The following TPR variants were observed in gnomAD, a reference collection of about 807,000 sequenced individuals.
TPR encodes nucleoprotein TPR.
A neutral mutation model predicts 316.1 loss-of-function variants in TPR; 51 were observed. The observed-to-expected ratio is 0.16, with a 90% CI of 0.13 to 0.20. The LOEUF is 0.20. Ranked by LOEUF, TPR falls within the 10% of genes least tolerant of loss-of-function variation. The probability of loss-of-function intolerance (pLI) is 1.00; values close to 1 mark genes in which losing one functional copy is unlikely to be tolerated. For missense variants in TPR, 2,272 were observed against 2,754.8 expected (o/e 0.82, Z 3.92); for synonymous variants, 981 against 914.7 (o/e 1.07, Z -1.31).
At chr1:186,367,561 C>T (rs1256433076) in intron 4 of TPR, among the ~76,000 whole-genome samples, 1 of 152,164 alleles carries the variant, frequency 6.6e-6, no homozygotes, top group African/African-American at 2.4e-5. Context: ...AAATAAAGAA[C>T]AGTAGTTCAG....
intron 30 of TPR, among the ~76,000 whole-genome samples, chr1:186,338,490 G>T (rs1019816880): frequency 2.6e-5 from 4 of 152,064 alleles, no homozygotes; most frequent in African/African-American, 9.7e-5. Flanking sequence ...AGTAACATGC[G>T]CAATTTTACA....
At chr1:186,329,509 C>T (rs1331542423) in intron 39 of TPR, among the ~76,000 whole-genome samples, 2 of 152,174 alleles carry the variant, frequency 1.3e-5, no homozygotes, top group Non-Finnish European at 2.9e-5. Flanking sequence ...AGTTTATACA[C>T]ACAGCCTGAA....
In TPR at chr1:186,362,954, C is replaced by G; in HGVS notation, c.579G>C (p.Gln193His). The G allele has an allele frequency of 6.2e-7, 1 of 1,608,522 alleles. No homozygotes were observed. The highest frequency in any genetic ancestry group is 8.5e-7 in the Non-Finnish European group (1 of 1,178,544). ...TCAACTCTGTATTCAGCCATGTATT[C>G]TGACTATGTAGCAATTCCTTTTCTT... The part of the protein sequence containing the change: ...LEQEKELLHS[Q>H]NTWLNTELKT... The change falls in exon 6 of 51, where the codon CAG (glutamine) becomes CAC (histidine). Residue 193 changes from glutamine to histidine, a missense_variant. Around this residue, in one of 10 missense-constraint regions of TPR, gnomAD observed 549 missense variants for 598.6 expected, o/e 0.92. Transcript: ENST00000367478.
intron 4 of TPR, among the ~76,000 whole-genome samples, chr1:186,365,076 A>G (rs1379985493): frequency 6.7e-6 from 1 of 149,316 alleles, no homozygotes; most frequent in Non-Finnish European, 1.5e-5. Context: ...AAAGTCAGAA[A>G]GTACCTTGCT....
chr1:186,374,843 C>T, intron 1 of TPR, 35 bp downstream of exon 1: 1 of 1,567,428 alleles, frequency 6.4e-7, no homozygotes, highest in South Asian at 1.2e-5. Context: ...GGGAGTCGAG[C>T]CCAAAACCAA....
chr1:186,351,631 T>G (rs1248707994), intron 19 of TPR, among the ~76,000 whole-genome samples, 161 bp from the exon 20 acceptor site: 1 of 152,222 alleles, frequency 6.6e-6, no homozygotes, highest in Non-Finnish European at 1.5e-5. Flanking sequence ...TTTTTTATAT[T>G]AAAACATCTA....
chr1:186,363,070 G>A (rs968893748), intron 5 of TPR, 69 bp from the exon 6 acceptor site: 2 of 1,474,522 alleles, frequency 1.4e-6, no homozygotes, highest in Admixed American at 2.6e-5. Context: ...GATTTTGTCT[G>A]TAGCTAAGGG....
chr1:186,364,247 T>A (rs551952570), intron 4 of TPR, among the ~76,000 whole-genome samples: 123 of 152,306 alleles, frequency 8.1e-4, no homozygotes, highest in Middle Eastern at 3.4e-3. Flanking sequence ...TGGAAGTACT[T>A]CTTCTAAGAA....
At chr1:186,365,873 C>T (rs1025901634) in intron 4 of TPR, among the ~76,000 whole-genome samples, 4 of 152,144 alleles carry the variant, frequency 2.6e-5, no homozygotes, top group African/African-American at 9.7e-5. Flanking sequence ...AGCTAATAGC[C>T]ACCATATCAG....
intron 36 of TPR, among the ~76,000 whole-genome samples, 185 bp downstream of exon 36, chr1:186,334,140 T>C (rs1441237009): frequency 6.6e-6 from 1 of 152,186 alleles, no homozygotes; most frequent in Non-Finnish European, 1.5e-5. Flanking sequence ...GGATTTCATA[T>C]ATTCTTTGTC....
rs998102801 is a variant in TPR at position 186,345,583 on chromosome 1, T to C, written c.3210A>G (p.Glu1070=). Residue 1070 remains glutamate (E), a synonymous_variant, in exon 24 of 51, where the codon GAA becomes GAG. Coordinates refer to ENST00000367478, the MANE Select transcript of TPR (RefSeq NM_003292.3). The part of the protein sequence containing the change: ...NEQQARRDCQ[E]QAKIAVEAQN... ...CTCAATAATTGGCTATACTTACTTG[T>C]TCCTGACAGTCACGTCTGGCTTGCT... 4.3e-6 allele frequency: 7 copies of C among 1,611,592 alleles called. No individual in the cohort carries two copies. The highest frequency in any genetic ancestry group is 1.6e-4 in the Middle Eastern group (1 of 6,076).
intron 14 of TPR, 144 bp downstream of exon 14, chr1:186,357,253 G>T: frequency 1.4e-6 from 1 of 717,126 alleles, no homozygotes; most frequent in Non-Finnish European, 2.3e-6. Context: ...TCACTATGTC[G>T]TCCAGGCTGG....
chr1:186,373,001 T>A (rs1302341573), intron 2 of TPR, among the ~76,000 whole-genome samples: 1 of 152,206 alleles, frequency 6.6e-6, no homozygotes, highest in Non-Finnish European at 1.5e-5. Flanking sequence ...GCTTTCACCT[T>A]TTTAAAAAGA....
intron 3 of TPR, among the ~76,000 whole-genome samples, chr1:186,368,376 T>A (rs1374372398): frequency 6.6e-6 from 1 of 152,086 alleles, no homozygotes; most frequent in African/African-American, 2.4e-5. Flanking sequence ...CTTTGGGAAA[T>A]CAAGCTGGGC....
intron 40 of TPR, 36 bp downstream of exon 40, chr1:186,327,424 G>C: frequency 1.9e-6 from 3 of 1,597,024 alleles, no homozygotes; most frequent in Non-Finnish European, 2.6e-6. Context: ...TCATCCAATA[G>C]TTTAAAAACA....
chr1:186,344,129 A>G (rs758907575), intron 25 of TPR, 39 bp from the exon 26 acceptor site: 2 of 1,574,858 alleles, frequency 1.3e-6, no homozygotes, highest in East Asian at 2.3e-5. Context: ...AGATTTTCCA[A>G]TGCATATTTA....
chr1:186,374,464 A>C (rs754299140), intron 1 of TPR, among the ~76,000 whole-genome samples: 4 of 152,226 alleles, frequency 2.6e-5, no homozygotes, highest in Non-Finnish European at 5.9e-5. Context: ...ACTAAGAACA[A>C]GTGCACAGAG....
chr1:186,358,274 G>A (rs1659085590), intron 13 of TPR, among the ~76,000 whole-genome samples: 1 of 152,016 alleles, frequency 6.6e-6, no homozygotes, highest in African/African-American at 2.4e-5. Context: ...AGGGTAGAGG[G>A]GTAGAAATTG....
At chr1:186,360,089 CACA>C in intron 11 of TPR, 93 bp from the exon 12 acceptor site, 2 of 1,405,502 alleles carry the variant, frequency 1.4e-6, no homozygotes, top group Non-Finnish European at 2.0e-6. Flanking sequence ...TTAACACTAA[CACA>C]AAATGGCAAT....
Sources: allele counts gnomAD v4.1 joint callset (sites outside exome capture counted in the v4.1 genomes callset), GRCh38; gene constraint gnomAD v4.1.1; regional missense constraint gnomAD v4.1.1; transcripts MANE v1.5; gene names NCBI Gene and HGNC (gene_info 2026-07-23, HGNC 2026-07-21).